WDR4: variants seen among roughly 807,000 people sequenced by gnomAD.
WDR4 encodes WDR4 tRNA N7-guanosine methyltransferase non-catalytic subunit.
A neutral mutation model predicts 48.6 loss-of-function variants in WDR4; 47 were observed. The ratio of observed to expected loss-of-function variants is 0.97; its 90% confidence interval spans 0.77 to 1.23. WDR4 has a LOEUF of 1.23. WDR4 is among the 50% of genes most tolerant of loss of function. The pLI, the probability that WDR4 is intolerant of heterozygous loss-of-function variation, is 0.00. For missense variants in WDR4, 606 were observed against 551.6 expected (o/e 1.10, Z -0.99); for synonymous variants, 268 against 230.0 (o/e 1.17, Z -1.49).
the WDR4 span, among the ~76,000 whole-genome samples, chr21:42,886,650 A>T: frequency 6.6e-6 from 1 of 152,170 alleles, no homozygotes; most frequent in African/African-American, 2.4e-5. Flanking sequence ...AGGAGCGGGG[A>T]GCCCCTGCAG....
chr21:42,871,572 C>G (rs1248007533), intron 3 of WDR4, among the ~76,000 whole-genome samples: 1 of 152,208 alleles, frequency 6.6e-6, no homozygotes, highest in East Asian at 1.9e-4. Context: ...GTTCACAGGC[C>G]TTTCAAGATA....
chr21:42,892,748 ACT>A, the WDR4 span, among the ~76,000 whole-genome samples: 1 of 152,218 alleles, frequency 6.6e-6, no homozygotes, highest in Non-Finnish European at 1.5e-5. Context: ...AATCGGCCTA[ACT>A]CTGGTATTAG....
intron 3 of WDR4, among the ~76,000 whole-genome samples, chr21:42,866,656 T>C (rs1228513260): frequency 1.3e-5 from 2 of 151,998 alleles, no homozygotes. Flanking sequence ...AGTCCTCTCC[T>C]TGAAAGCAGC....
At chr21:42,864,935 G>A (rs1225916077) in intron 3 of WDR4, among the ~76,000 whole-genome samples, 1 of 152,230 alleles carries the variant, frequency 6.6e-6, no homozygotes, top group Non-Finnish European at 1.5e-5. Flanking sequence ...CAGGGCTGTG[G>A]CAGCACACAC....
chr21:42,864,744 C>T (rs1358896563), intron 3 of WDR4, among the ~76,000 whole-genome samples: 1 of 152,210 alleles, frequency 6.6e-6, no homozygotes, highest in Non-Finnish European at 1.5e-5. Context: ...TACACTACTT[C>T]CTGGGGCTCT....
In WDR4 at chr21:42,853,657, GCCACGTC is replaced by G; in HGVS notation, c.880_886del (p.Asp294LeufsTer38). 1 of 1,600,068 alleles carries G rather than the reference GCCACGTC, an allele frequency of 6.2e-7. No individual in the cohort carries two copies. Among genetic ancestry groups the G allele is most frequent in the Non-Finnish European group, 8.5e-7 (1 of 1,174,562 alleles). ...CCACAGCCCCTGGGTCTCCTCGAAA[GCCACGTC>G]CCACACTTGGTGCTGGAACGCCAGC... is the stretch of plus-strand genomic sequence containing the variant. On this transcript the variant is annotated frameshift_variant, in exon 9 of 11. Coordinates refer to ENST00000398208, the MANE Select transcript of WDR4 (RefSeq NM_018669.6). LOFTEE classifies it high-confidence loss of function.
downstream of WDR4, among the ~76,000 whole-genome samples, chr21:42,846,571 G>C (rs1203532894): frequency 6.6e-6 from 1 of 152,214 alleles, no homozygotes; most frequent in African/African-American, 2.4e-5. Flanking sequence ...AGACGGGCTG[G>C]GCATAATGGC....
chr21:42,890,693 G>C, the WDR4 span, among the ~76,000 whole-genome samples: 2 of 152,350 alleles, frequency 1.3e-5, no homozygotes, highest in African/African-American at 4.8e-5. Flanking sequence ...AGAGCTACAG[G>C]CAGAGTTGAT....
upstream of WDR4, among the ~76,000 whole-genome samples, chr21:42,880,129 T>C (rs2058595354): frequency 7.0e-6 from 1 of 142,714 alleles, no homozygotes; most frequent in African/African-American, 2.7e-5. Flanking sequence ...AGACTCTCTC[T>C]CAAAAAAAAA....
intron 1 of WDR4, among the ~76,000 whole-genome samples, chr21:42,877,575 T>TA (rs1486368770): frequency 6.6e-6 from 1 of 151,920 alleles, no homozygotes; most frequent in Non-Finnish European, 1.5e-5. Context: ...ACTGTCTAGA[T>TA]ACAATATTTC....
At chr21:42,881,799 GCTTT>G (rs1401411472), upstream of WDR4, among the ~76,000 whole-genome samples, 6 of 152,162 alleles carry the variant, frequency 3.9e-5, no homozygotes, top group Middle Eastern at 3.4e-3. Context: ...AAAAACTATG[GCTTT>G]CTTTTTTTCT....
intron 10 of WDR4, among the ~76,000 whole-genome samples, chr21:42,850,444 A>G (rs1227986012): frequency 6.6e-6 from 1 of 152,152 alleles, no homozygotes; most frequent in Non-Finnish European, 1.5e-5. Context: ...CTGGCTACTA[A>G]CAGAACGGGG....
chr21:42,873,402 G>C (rs2058416621), intron 3 of WDR4, 149 bp downstream of exon 3: 1 of 1,119,812 alleles, frequency 8.9e-7, no homozygotes, highest in African/African-American at 1.6e-5. Flanking sequence ...ACACACATGT[G>C]GCACTGAAAG....
chr21:42,890,428 C>T, the WDR4 span, among the ~76,000 whole-genome samples: 6 of 152,086 alleles, frequency 3.9e-5, no homozygotes, highest in African/African-American at 1.4e-4. Context: ...CCCAGCTACT[C>T]GGGAGGTTGA....
intron 2 of WDR4, among the ~76,000 whole-genome samples, chr21:42,876,243 T>G (rs2058489776): frequency 1.0e-5 from 1 of 96,424 alleles, no homozygotes. Flanking sequence ...AGACAGAGTC[T>G]TGCTCTATTC....
At chr21:42,859,837 T>C (rs1265224914) in intron 5 of WDR4, 115 bp from the exon 6 acceptor site, 2 of 1,084,818 alleles carry the variant, frequency 1.8e-6, no homozygotes, top group Non-Finnish European at 2.7e-6. Context: ...CTAAACCCCC[T>C]GATCCAATAA....
At chr21:42,878,898 G>T in intron 1 of WDR4, 1 of 945,642 alleles carries the variant, frequency 1.1e-6, no homozygotes, top group Non-Finnish European at 1.3e-6. Context: ...GTGAGTGGAT[G>T]CAGGCCGGGA....
At chr21:42,845,348 C>T (rs961372203), downstream of WDR4, among the ~76,000 whole-genome samples, 3 of 152,244 alleles carry the variant, frequency 2.0e-5, no homozygotes, top group Non-Finnish European at 2.9e-5. Flanking sequence ...AAACGTATCA[C>T]GTCAACATAT....
chr21:42,866,187 A>G (rs1044153579), intron 3 of WDR4, among the ~76,000 whole-genome samples: 1 of 151,802 alleles, frequency 6.6e-6, no homozygotes, highest in African/African-American at 2.4e-5. Context: ...GGCTTGGAAA[A>G]CCTGGCCTCA....
Sources: allele counts gnomAD v4.1 joint callset (sites outside exome capture counted in the v4.1 genomes callset), GRCh38; gene constraint gnomAD v4.1.1; transcripts MANE v1.5; gene names NCBI Gene and HGNC (gene_info 2026-07-23, HGNC 2026-07-21).